PTPRK: variants seen among roughly 807,000 people sequenced by gnomAD.
PTPRK encodes the protein protein tyrosine phosphatase receptor type K.
In PTPRK, 75 loss-of-function variants were observed where a neutral mutation model predicts 178.0. The ratio of observed to expected loss-of-function variants is 0.42; its 90% CI spans 0.35 to 0.51. PTPRK has a LOEUF of 0.51. Ranked by LOEUF, PTPRK falls within the 20% of genes least tolerant of loss-of-function variation. PTPRK has a pLI of 0.02. For synonymous variants in PTPRK, 637 were observed against 620.6 expected (o/e 1.03, Z -0.39); for missense variants, 1,441 against 1,797.8 (o/e 0.80, Z 3.59).
intron 3 of PTPRK, among the ~76,000 whole-genome samples, chr6:128,277,847 G>C (rs1409733048): frequency 1.3e-5 from 2 of 152,120 alleles, no homozygotes; most frequent in Admixed American, 1.3e-4. Context: ...ACTTAAAACT[G>C]TTTGTTGAAT....
chr6:128,102,785 A>G (rs1789007018), intron 7 of PTPRK, among the ~76,000 whole-genome samples: 1 of 152,166 alleles, frequency 6.6e-6, no homozygotes, highest in Non-Finnish European at 1.5e-5. Flanking sequence ...ATCCGAGCTA[A>G]TGTGATTCCA....
At chr6:128,475,148 C>T (rs955010919) in intron 1 of PTPRK, among the ~76,000 whole-genome samples, 2 of 152,096 alleles carry the variant, frequency 1.3e-5, no homozygotes, top group African/African-American at 4.8e-5. Context: ...CTGTTATTAT[C>T]AGCTATGTGA....
chr6:128,445,494 T>A (rs1846886247), intron 1 of PTPRK, among the ~76,000 whole-genome samples: 1 of 149,988 alleles, frequency 6.7e-6, no homozygotes, highest in African/African-American at 2.4e-5. Context: ...GTAATTTATA[T>A]AAAGTATATA....
chr6:128,053,533 G>T (rs903229865), intron 13 of PTPRK, among the ~76,000 whole-genome samples: 8 of 151,990 alleles, frequency 5.3e-5, no homozygotes, highest in Non-Finnish European at 2.9e-5. Flanking sequence ...CCACACTTGG[G>T]CTCTGATTTC....
Position 127,969,934 on chromosome 6 carries a change from A to C in PTPRK, c.*293T>G, listed in dbSNP as rs1456289281. 2.1e-5 allele frequency: 5 copies of C among 243,882 alleles called. No homozygotes were observed. In the East Asian group the frequency reaches 3.8e-4, roughly 19 times the overall value. The allele number at this position is 243,882 out of a possible 1,614,324, so 15.1% of individuals were successfully genotyped here. On this transcript the variant is annotated 3_prime_UTR_variant, in exon 30 of 30. Transcript: ENST00000368226. ...TGCTCTACTGAAACCATGAGAAAAA[A>C]GGTGGCATGTTCACTGTACAAACAC...
chr6:128,140,158 T>G (rs942980574), intron 7 of PTPRK, among the ~76,000 whole-genome samples: 2 of 152,040 alleles, frequency 1.3e-5, no homozygotes, highest in Admixed American at 1.3e-4. Context: ...CCTGGCAACC[T>G]ACATGAATAA....
chr6:128,233,382 G>A (rs1330090031), intron 5 of PTPRK, among the ~76,000 whole-genome samples: 1 of 152,192 alleles, frequency 6.6e-6, no homozygotes, highest in East Asian at 1.9e-4. Flanking sequence ...CAAGGCTTTG[G>A]AATTTGCCTG....
chr6:128,478,266 C>T (rs989078531), intron 1 of PTPRK, among the ~76,000 whole-genome samples: 2 of 152,024 alleles, frequency 1.3e-5, no homozygotes, highest in African/African-American at 4.8e-5. Context: ...GATAGAATAC[C>T]AGCAAATACA....
chr6:128,339,162 T>C (rs1024888588), intron 2 of PTPRK, among the ~76,000 whole-genome samples: 2 of 152,156 alleles, frequency 1.3e-5, no homozygotes, highest in African/African-American at 4.8e-5. Context: ...AGTAAAATAC[T>C]ACAGAGGACA....
chr6:128,358,509 T>G (rs1406231653), intron 2 of PTPRK, among the ~76,000 whole-genome samples: 1 of 152,190 alleles, frequency 6.6e-6, no homozygotes, highest in African/African-American at 2.4e-5. Context: ...TCAGACATGG[T>G]ACAATAAGAA....
At position 128,406,355 on chromosome 6, in the gene PTPRK, T is replaced by G. The variant is rs74397286; in HGVS notation, c.101-8667A>C. On this transcript the variant is annotated intron_variant, in intron 1 of 29. Coordinates refer to ENST00000368226, the MANE Select transcript of PTPRK (RefSeq NM_002844.4). ...AAAATGTTTCTAGACTAGGTTAACA[T>G]AGAAGGCATATGGGCCAATGTTTGG... is the stretch of plus-strand genomic sequence containing the variant. Among the ~76,000 whole-genome samples, 1,092 of 152,320 alleles carry G rather than the reference T, an allele frequency of 7.2e-3. 3 individuals are homozygous for G. Among genetic ancestry groups the G allele is most frequent in the Non-Finnish European group, 9.6e-3 (654 of 68,032 alleles).
intron 1 of PTPRK, among the ~76,000 whole-genome samples, chr6:128,483,188 C>T (rs946947423): frequency 1.1e-4 from 17 of 152,208 alleles, no homozygotes; most frequent in African/African-American, 3.9e-4. Context: ...CGTGTTTTTT[C>T]TACAACTTTT....
At chr6:128,410,291 C>T (rs1056301275) in intron 1 of PTPRK, among the ~76,000 whole-genome samples, 1 of 152,038 alleles carries the variant, frequency 6.6e-6, no homozygotes, top group Admixed American at 6.6e-5. Flanking sequence ...ATATGTGCAC[C>T]CTCTCCCTGC....
At chr6:128,196,294 C>T (rs975148377) in intron 6 of PTPRK, among the ~76,000 whole-genome samples, 4 of 151,936 alleles carry the variant, frequency 2.6e-5, no homozygotes, top group Admixed American at 6.6e-5. Context: ...AATACCTGTC[C>T]TCAATAATCA....
chr6:128,294,858 G>T (rs1241410993), intron 3 of PTPRK, among the ~76,000 whole-genome samples: 1 of 151,964 alleles, frequency 6.6e-6, no homozygotes, highest in Non-Finnish European at 1.5e-5. Flanking sequence ...ACTTATGAAT[G>T]TAGACATAAT....
intron 2 of PTPRK, among the ~76,000 whole-genome samples, chr6:128,333,948 G>A (rs770278170): frequency 9.9e-5 from 15 of 152,122 alleles, no homozygotes; most frequent in South Asian, 4.1e-4. Context: ...AAGGGCCACC[G>A]TAGGGTTACT....
intron 1 of PTPRK, among the ~76,000 whole-genome samples, chr6:128,423,785 G>A (rs527761881): frequency 1.3e-5 from 2 of 151,458 alleles, no homozygotes; most frequent in South Asian, 2.1e-4. Flanking sequence ...CCAAGATCAC[G>A]CCACTGCACT....
In PTPRK at chr6:128,287,910, G is replaced by A. The variant is rs149158265; in HGVS notation, c.495+34129C>T. ...TCTTTCATTTTTTAAAAAGCCTTCT[G>A]ATCATGATTATCCTGTGGCTACTGT... On this transcript the variant is annotated intron_variant, in intron 3 of 29. Coordinates refer to ENST00000368226, the MANE Select transcript of PTPRK (RefSeq NM_002844.4). 1.7e-3 allele frequency among the ~76,000 whole-genome samples: 253 copies of A among 152,020 alleles called. 1 individual carries two copies. Among genetic ancestry groups the A allele is most frequent in the African/African-American group, 5.8e-3 (239 of 41,472 alleles).
intron 7 of PTPRK, among the ~76,000 whole-genome samples, chr6:128,121,802 A>G (rs1187972116): frequency 6.6e-6 from 1 of 151,968 alleles, no homozygotes; most frequent in Non-Finnish European, 1.5e-5. Context: ...TGAAGATTAC[A>G]CCACACCTGC....
Sources: gnomAD v4.1 joint callset for allele counts (sites outside exome capture counted in the v4.1 genomes callset) on GRCh38, gnomAD v4.1.1 for gene constraint, MANE v1.5 for transcripts, NCBI Gene and HGNC (gene_info 2026-07-23, HGNC 2026-07-21) for gene names.